The following PMEPA1 variants were observed in gnomAD, a reference collection of about 807,000 sequenced individuals.
PMEPA1 encodes the protein protein TMEPAI.
In PMEPA1, 11 loss-of-function variants were observed where a neutral mutation model predicts 23.0. The observed-to-expected ratio is 0.48, with a 90% confidence interval of 0.30 to 0.79. The LOEUF (loss-of-function observed/expected upper bound fraction) is 0.79. PMEPA1 is among the 30% of genes least tolerant of loss of function. PMEPA1 has a pLI of 0.06. For missense variants in PMEPA1, 377 were observed against 390.9 expected (o/e 0.96, Z 0.30); for synonymous variants, 204 against 166.4 (o/e 1.23, Z -1.74).
rs1309908420 is a variant in PMEPA1, at chr20:57,652,717, CA to C, written c.319-120del. 1 of 974,674 alleles carries C rather than the reference CA, an allele frequency of 1.0e-6. No individual in the cohort carries two copies. The highest frequency in any genetic ancestry group is 1.5e-6 in the Non-Finnish European group (1 of 679,280). The allele number at this position is 974,674 out of a possible 1,614,324, so 60.4% of individuals were successfully genotyped here. A position where few individuals can be genotyped will look rare whatever the true frequency, so the allele number is the denominator to read the frequency against. The stretch of plus-strand genomic sequence containing the variant: ...TGGCTCTCTGGGGAAAGGGAGAGGG[CA>C]GCAGGGCTGGCGGGGGCGGGAGCCC... On this transcript the variant is annotated intron_variant, in intron 3 of 3. Transcript: ENST00000341744. This position sits in a 1 kb window ranked among gnomAD's most constrained non-coding sequence, Gnocchi z 6.1.
At position 57,650,668 on chromosome 20, in the gene PMEPA1, C is replaced by T. The variant is rs1238509390; in HGVS notation, c.*1385G>A. The T allele has an allele frequency of 6.6e-6, 1 of 152,386 alleles. No homozygotes were observed. The highest frequency in any genetic ancestry group is 1.9e-4 in the East Asian group (1 of 5,188). The allele number at this position is 152,386 out of a possible 1,614,324, so 9.4% of individuals were successfully genotyped here. On this transcript the variant is annotated 3_prime_UTR_variant, in exon 4 of 4. Coordinates refer to ENST00000341744, the MANE Select transcript of PMEPA1 (RefSeq NM_020182.5). ...GGAAGAGAAGGTGAAGAATTCTGCG[C>T]CCGAAGCTCGGGTTGGTGTTTGCTC...
At position 57,671,176 on chromosome 20, in the gene PMEPA1, C is replaced by T. The variant is rs773333697; in HGVS notation, c.110-11479G>A. On this transcript the variant is annotated intron_variant, in intron 1 of 3. Coordinates refer to ENST00000341744, the MANE Select transcript of PMEPA1 (RefSeq NM_020182.5). ...TTTCTATTGTCACTGACATCGAACA[C>T]CTTTAAACATCCACTGTCAGCAAAA... Among the ~76,000 whole-genome samples, 42 of 152,218 alleles carry T rather than the reference C, an allele frequency of 2.8e-4. 1 individual carries two copies. Among genetic ancestry groups the T allele is most frequent in the South Asian group, 1.0e-3 (5 of 4,832 alleles).
chr20:57,680,858 A>G (rs1465201483), intron 1 of PMEPA1, among the ~76,000 whole-genome samples: 2 of 152,204 alleles, frequency 1.3e-5, no homozygotes, highest in Non-Finnish European at 2.9e-5. Context: ...CACAGGAGGC[A>G]CTTCGTAAAT....
In PMEPA1 at chr20:57,652,537, C is replaced by A; in HGVS notation, c.380G>T (p.Arg127Leu). Residue 127 changes from arginine to leucine, a missense_variant, in exon 4 of 4, where the codon CGG becomes CTG. By Grantham distance (102) the Arg-to-Leu change is moderately radical (BLOSUM62 -2). Around this residue, in one of 3 missense-constraint regions of PMEPA1, gnomAD observed 198 missense variants for 196.3 expected, o/e 1.01. Coordinates refer to ENST00000341744, the MANE Select transcript of PMEPA1 (RefSeq NM_020182.5). This position sits in a 1 kb window ranked among gnomAD's most constrained non-coding sequence, Gnocchi z 6.1. ...GGGCTGGAAGCGGTGGAAGCGCTCCCGCTGGGCGAAGGGCGGCACGGCCAG... is the reference window on the plus strand; with the variant it reads ...GGGCTGGAAGCGGTGGAAGCGCTCCAGCTGGGCGAAGGGCGGCACGGCCAG... ...DRLAVPPFAQ[R>L]ERFHRFQPTY... 4 of 1,553,200 alleles carry A rather than the reference C, an allele frequency of 2.6e-6. No homozygotes were observed. Among genetic ancestry groups the A allele is most frequent in the Non-Finnish European group, 3.5e-6 (4 of 1,148,378 alleles).
In PMEPA1 at chr20:57,651,985, T is replaced by G; in HGVS notation, c.*68A>C. The G allele has an allele frequency of 7.4e-7, 1 of 1,345,392 alleles. No individual in the cohort carries two copies. The highest frequency in any genetic ancestry group is 1.6e-5 in the South Asian group (1 of 62,762). 83.3% of individuals were successfully genotyped at this position (1,345,392 alleles called of 1,614,324 possible). ...GCGCCCCCCGCCTTCCTCTCACTCC[T>G]CTTCTAAGAAGCGCGGAGTGTTCTG... On this transcript the variant is annotated 3_prime_UTR_variant, in exon 4 of 4. Transcript: ENST00000341744.
At chr20:57,688,330 A>G (rs529505846) in intron 1 of PMEPA1, among the ~76,000 whole-genome samples, 14 of 144,508 alleles carry the variant, frequency 9.7e-5, no homozygotes, top group African/African-American at 3.8e-4. Context: ...GCCTGACCTT[A>G]GGAAGGAGAC....
chr20:57,653,489 C>T (rs73302916), intron 2 of PMEPA1, among the ~76,000 whole-genome samples: 9,890 of 152,322 alleles, frequency 0.065, 458 homozygotes, highest in African/African-American at 0.13. Context: ...GTGTGACCTG[C>T]GTCAAGTTAC....
At chr20:57,696,512 G>T in intron 1 of PMEPA1, among the ~76,000 whole-genome samples, 1 of 152,196 alleles carries the variant, frequency 6.6e-6, no homozygotes, top group East Asian at 1.9e-4. Flanking sequence ...ATGCGATGGG[G>T]TTGCCATGAG....
intron 1 of PMEPA1, among the ~76,000 whole-genome samples, chr20:57,694,416 G>C (rs1874053317): frequency 6.6e-6 from 1 of 152,226 alleles, no homozygotes; most frequent in South Asian, 2.1e-4. Flanking sequence ...CAATGTGCTT[G>C]TTATATTTTT....
At chr20:57,684,584 T>C (rs1225723409) in intron 1 of PMEPA1, among the ~76,000 whole-genome samples, 4 of 152,170 alleles carry the variant, frequency 2.6e-5, no homozygotes, top group South Asian at 4.1e-4. Flanking sequence ...TGATGGGTGA[T>C]TGGGGGGCCC....
At chr20:57,676,713 G>C (rs2071641626) in intron 1 of PMEPA1, among the ~76,000 whole-genome samples, 1 of 152,168 alleles carries the variant, frequency 6.6e-6, no homozygotes, top group Non-Finnish European at 1.5e-5. Context: ...AGAGCCACTG[G>C]GAGCTGGACC....
chr20:57,663,192 G>C (rs912713085), intron 1 of PMEPA1, among the ~76,000 whole-genome samples: 1 of 152,240 alleles, frequency 6.6e-6, no homozygotes, highest in African/African-American at 2.4e-5. Context: ...CTCTAGAAAA[G>C]AGAAACTACA....
chr20:57,709,070 C>A (rs910303326), intron 1 of PMEPA1, among the ~76,000 whole-genome samples: 1 of 152,078 alleles, frequency 6.6e-6, no homozygotes, highest in Non-Finnish European at 1.5e-5. Flanking sequence ...GCAGACCAGA[C>A]AGTGTCTCAC....
At chr20:57,679,979 A>G (rs1486025712) in intron 1 of PMEPA1, among the ~76,000 whole-genome samples, 1 of 152,190 alleles carries the variant, frequency 6.6e-6, no homozygotes, top group African/African-American at 2.4e-5. Context: ...CCTTGGGTAC[A>G]GGCTGTCCAC....
At chr20:57,702,407 C>T (rs1424775116) in intron 1 of PMEPA1, among the ~76,000 whole-genome samples, 1 of 152,186 alleles carries the variant, frequency 6.6e-6, no homozygotes, top group Non-Finnish European at 1.5e-5. Flanking sequence ...CCTGACAAGG[C>T]ACGTGTGTTT....
At chr20:57,657,617 G>GA (rs150918090) in intron 2 of PMEPA1, among the ~76,000 whole-genome samples, 3,107 of 152,298 alleles carry the variant, frequency 0.02, 52 homozygotes, top group Non-Finnish European at 0.031. Context: ...CGGGTCTGTG[G>GA]GCCAGGCATT....
chr20:57,690,520 T>C lies in PMEPA1; in HGVS notation c.109+18954A>G, dbSNP rs987214429. 19 of 1,296,410 alleles carry C rather than the reference T, an allele frequency of 1.5e-5. No homozygotes were observed. In the Admixed American group the frequency reaches 4.3e-4, roughly 29 times the overall value. The allele number at this position is 1,296,410 out of a possible 1,614,324, so 80.3% of individuals were successfully genotyped here. On this transcript the variant is annotated intron_variant, in intron 1 of 3. Transcript: ENST00000341744. ...CAGAAGAGCCATGCTATTTTTATTG[T>C]GAAGCAAAAAAGAAGGATTAATTAA... is the stretch of plus-strand genomic sequence containing the variant.
chr20:57,700,265 G>A, intron 1 of PMEPA1: 1 of 405,806 alleles, frequency 2.5e-6, no homozygotes, highest in Non-Finnish European at 5.1e-6. Flanking sequence ...CATGTTCGGG[G>A]GAACAGGGAA....
intron 1 of PMEPA1, among the ~76,000 whole-genome samples, chr20:57,701,208 C>A (rs1342846167): frequency 6.6e-6 from 1 of 152,120 alleles, no homozygotes; most frequent in Non-Finnish European, 1.5e-5. Context: ...TGTGCTGGAG[C>A]ATTAGGAATA....
Sources: allele counts gnomAD v4.1 joint callset (sites outside exome capture counted in the v4.1 genomes callset), GRCh38; gene constraint gnomAD v4.1.1; regional missense constraint gnomAD v4.1.1; non-coding constraint Gnocchi (gnomAD v3.1); transcripts MANE v1.5; gene names NCBI Gene and HGNC (gene_info 2026-07-23, HGNC 2026-07-21).